The following MYCBP variants were observed in gnomAD, a reference collection of about 807,000 sequenced individuals.
MYCBP encodes the protein C-Myc-binding protein.
MYCBP carries 5 observed loss-of-function variants against 16.8 expected under a neutral mutation model. That is an observed-to-expected ratio of 0.30 (90% CI 0.16 to 0.63). The LOEUF is 0.63. Among genes scored for constraint, MYCBP ranks in the 20% least tolerant of loss-of-function variants. The probability of loss-of-function intolerance (pLI) is 0.83; values close to 1 mark genes in which losing one functional copy is unlikely to be tolerated. For synonymous variants in MYCBP, 35 were observed against 43.7 expected (o/e 0.80, Z 0.79); for missense variants, 103 against 121.8 (o/e 0.85, Z 0.73).
rs1306739563 is a variant in MYCBP at position 38,873,080 on chromosome 1, G to A, written c.26C>T (p.Ser9Leu). The A allele has an allele frequency of 1.3e-5, 21 of 1,562,130 alleles. No individual in the cohort carries two copies. Among genetic ancestry groups the A allele is most frequent in the Non-Finnish European group, 1.8e-5 (21 of 1,153,198 alleles). The change falls in exon 2 of 5, where the codon TCG becomes TTG. Residue 9 changes from serine (S) to leucine (L), a missense_variant. Physicochemically the swap from Ser to Leu is moderately radical, Grantham distance 145 (BLOSUM62 -2). Coordinates refer to ENST00000397572, the MANE Select transcript of MYCBP (RefSeq NM_012333.5). ...GTACCTCCGGAACTGCTCACGCTTCGAGTCGGCGGCCTGAAGAGACACCGG... is the reference window on the plus strand; with the variant it reads ...GTACCTCCGGAACTGCTCACGCTTCAAGTCGGCGGCCTGAAGAGACACCGG... MAHYKAAD[S>L]KREQFRRYLE...
intron 2 of MYCBP, among the ~76,000 whole-genome samples, chr1:38,872,402 CAGTA>C (rs1326732378): frequency 6.6e-6 from 1 of 152,230 alleles, no homozygotes; most frequent in African/African-American, 2.4e-5. Flanking sequence ...ACAGCGTTAA[CAGTA>C]AGCTTTCATT....
rs770679267 is a variant in MYCBP at position 38,864,688 on chromosome 1, C to A, written c.294G>T (p.Glu98Asp). 1 of 1,613,912 alleles carries A rather than the reference C, an allele frequency of 6.2e-7. No individual in the cohort carries two copies. Residue 98 changes from glutamate (E) to aspartate (D), a missense_variant, in exon 5 of 5, where the codon GAG (glutamate) becomes GAT (aspartate). Coordinates refer to ENST00000397572, the MANE Select transcript of MYCBP (RefSeq NM_012333.5). ...AAGAATCCTATTCAGCACGCTTCTC[C>A]TCCTGAGGTGGTTCATACTGAGCAA... is the stretch of plus-strand genomic sequence containing the variant. ...AKLAQYEPPQ[E>D]EKRAE
intron 2 of MYCBP, among the ~76,000 whole-genome samples, chr1:38,869,632 G>A (rs137937622): frequency 6.6e-6 from 1 of 152,280 alleles, no homozygotes; most frequent in East Asian, 1.9e-4. Flanking sequence ...ATTTTTAGAG[G>A]TTGATATAGC....
chr1:38,871,211 G>A (rs1251844638), intron 2 of MYCBP, among the ~76,000 whole-genome samples: 2 of 152,156 alleles, frequency 1.3e-5, no homozygotes, highest in East Asian at 3.8e-4. Flanking sequence ...CTGCACTCCA[G>A]CCTGGGCAAC....
In MYCBP at chr1:38,864,183, C is replaced by T. The variant is rs1050463; in HGVS notation, c.*487G>A. On this transcript the variant is annotated 3_prime_UTR_variant, in exon 5 of 5. Coordinates refer to ENST00000397572, the MANE Select transcript of MYCBP (RefSeq NM_012333.5). The stretch of plus-strand genomic sequence containing the variant: ...AGTGGTGGCAAAGAAGTTATTTGTT[C>T]CATGTCACACAAACAAGAGCAGAAG... 527 of 155,694 alleles carry T rather than the reference C, an allele frequency of 3.4e-3. No homozygotes were observed. The highest frequency in any genetic ancestry group is 7.9e-3 in the Admixed American group (123 of 15,602). The allele number at this position is 155,694 out of a possible 1,614,324, so 9.6% of individuals were successfully genotyped here.
intron 4 of MYCBP, among the ~76,000 whole-genome samples, chr1:38,866,193 C>A (rs1642334360): frequency 6.6e-6 from 1 of 151,410 alleles, no homozygotes; most frequent in African/African-American, 2.4e-5. Context: ...AGATTACAGG[C>A]ATGCACCACC....
rs1642355628 is a variant in MYCBP, at chr1:38,866,989, C to A, written c.158G>T (p.Gly53Val). The change falls in exon 4 of 5, where the codon GGA becomes GTA. Residue 53 changes from glycine to valine, a missense_variant. Transcript: ENST00000397572. The stretch of plus-strand genomic sequence containing the variant: ...TTCTGGATTTTCTGGAGTAGCAGCT[C>A]CTAAGTGATGCTTTAAAAAACTATT... Reference protein sequence around the residue: ...SALDFLKHHLGAATPENPEIE... With the variant: ...SALDFLKHHLVAATPENPEIE... 4 of 1,611,324 alleles carry A rather than the reference C, an allele frequency of 2.5e-6. No homozygotes were observed. Among genetic ancestry groups the A allele is most frequent in the Non-Finnish European group, 2.5e-6 (3 of 1,178,616 alleles).
intron 1 of MYCBP, 50 bp from the exon 2 acceptor site, chr1:38,873,140 A>G: frequency 1.3e-6 from 2 of 1,553,086 alleles, no homozygotes; most frequent in Non-Finnish European, 1.7e-6. Flanking sequence ...CCGAGCAGGA[A>G]GAAGGCGCTG....
Position 38,867,622 on chromosome 1 carries a change from A to G in MYCBP, c.89-12T>C. 6.2e-7 allele frequency: 1 copy of G among 1,611,630 alleles called. No individual in the cohort carries two copies. Among genetic ancestry groups the G allele is most frequent in the Non-Finnish European group, 8.5e-7 (1 of 1,178,294 alleles). ...TAAGGCTACCAACACTGCAAATCAA[A>G]AAGCAGAAAAAGCAACAATTGACGT... On this transcript the variant is annotated splice_polypyrimidine_tract_variant and intron_variant, in intron 2 of 4. Transcript: ENST00000397572.
chr1:38,870,308 C>T (rs958684237), intron 2 of MYCBP, among the ~76,000 whole-genome samples: 4 of 151,966 alleles, frequency 2.6e-5, no homozygotes, highest in African/African-American at 4.8e-5. Context: ...GACTGCACCA[C>T]TGCACTCCAG....
Position 38,868,712 on chromosome 1 carries a change from T to C in MYCBP, c.89-1102A>G, listed in dbSNP as rs184267115. Among the ~76,000 whole-genome samples, 748 of 152,248 alleles carry C rather than the reference T, an allele frequency of 4.9e-3. 20 individuals carry two copies. The highest frequency in any genetic ancestry group is 0.042 in the Admixed American group (641 of 15,294). ...CGAAGTCAGGAGATCAAGACCATCCTGGCTAACACAGTGAAACCCCGTCTC... is the reference window on the plus strand; with the variant it reads ...CGAAGTCAGGAGATCAAGACCATCCCGGCTAACACAGTGAAACCCCGTCTC... On this transcript the variant is annotated intron_variant, in intron 2 of 4. Coordinates refer to ENST00000397572, the MANE Select transcript of MYCBP (RefSeq NM_012333.5).
At position 38,864,543 on chromosome 1, in the gene MYCBP, A is replaced by C. The variant is rs1570879860; in HGVS notation, c.*127T>G. 1 of 942,444 alleles carries C rather than the reference A, an allele frequency of 1.1e-6. No homozygotes were observed. The highest frequency in any genetic ancestry group is 2.6e-5 in the East Asian group (1 of 37,926). The allele number at this position is 942,444 out of a possible 1,614,324, so 58.4% of individuals were successfully genotyped here. A position where few individuals can be genotyped will look rare whatever the true frequency, so the allele number is the denominator to read the frequency against. On this transcript the variant is annotated 3_prime_UTR_variant, in exon 5 of 5. Transcript: ENST00000397572. ...TGATGATTCTATGTGTTTTTAACAGAGTGTGATAGGTGAATTAAACATATT... is the reference window on the plus strand; with the variant it reads ...TGATGATTCTATGTGTTTTTAACAGCGTGTGATAGGTGAATTAAACATATT...
chr1:38,867,463 AAGT>A, intron 3 of MYCBP, 96 bp downstream of exon 3: 1 of 1,067,642 alleles, frequency 9.4e-7, no homozygotes, highest in South Asian at 1.5e-5. Flanking sequence ...AAAAAAAAAA[AAGT>A]AACTTTCTCA....
chr1:38,866,786 AC>A, intron 4 of MYCBP, 93 bp downstream of exon 4: 1 of 1,034,752 alleles, frequency 9.7e-7, no homozygotes. Context: ...ATATTCACCC[AC>A]CTCCCTCCCC....
rs1220988082 is a variant in MYCBP at position 38,873,342 on chromosome 1, C to T, written c.-37G>A. 2 of 1,597,540 alleles carry T rather than the reference C, an allele frequency of 1.3e-6. No individual in the cohort carries two copies. Among genetic ancestry groups the T allele is most frequent in the South Asian group, 1.1e-5 (1 of 90,366 alleles). ...CAGCGGCGTAGCTGGCGCCGGAGAC[C>T]GCGACTGGCGGGTTGGGAGCAGCAC... is the stretch of plus-strand genomic sequence containing the variant. On this transcript the variant is annotated 5_prime_UTR_variant, in exon 1 of 5. Coordinates refer to ENST00000397572, the MANE Select transcript of MYCBP (RefSeq NM_012333.5).
chr1:38,871,426 A>ACTT (rs1642464318), intron 2 of MYCBP, among the ~76,000 whole-genome samples: 1 of 87,204 alleles, frequency 1.1e-5, no homozygotes. Flanking sequence ...CCCACCTGTC[A>ACTT]CTTTTTTTTT....
At chr1:38,864,741 G>T (rs202141812) in intron 4 of MYCBP, 27 bp from the exon 5 acceptor site, 3 of 1,608,608 alleles carry the variant, frequency 1.9e-6, no homozygotes, top group African/African-American at 2.7e-5. Flanking sequence ...GAGGAATTTA[G>T]GTGAATTTTA....
chr1:38,866,637 G>A (rs940415346), intron 4 of MYCBP, among the ~76,000 whole-genome samples: 9 of 150,836 alleles, frequency 6.0e-5, no homozygotes, highest in Non-Finnish European at 4.4e-5. Context: ...GGCTGGTCTC[G>A]AACTCTTGAC....
At chr1:38,870,358 T>C (rs1035115659) in intron 2 of MYCBP, among the ~76,000 whole-genome samples, 5 of 151,388 alleles carry the variant, frequency 3.3e-5, no homozygotes, top group African/African-American at 1.2e-4. Flanking sequence ...AATATATATA[T>C]GTAAATTAAA....
Sources: gnomAD v4.1 joint callset for allele counts (sites outside exome capture counted in the v4.1 genomes callset) on GRCh38, gnomAD v4.1.1 for gene constraint, MANE v1.5 for transcripts, NCBI Gene and HGNC (gene_info 2026-07-23, HGNC 2026-07-21) for gene names.